The following CAPZA1 variants were observed in gnomAD, a reference collection of about 807,000 sequenced individuals.
The protein encoded by CAPZA1 is capping actin protein of muscle Z-line subunit alpha 1.
In CAPZA1, 10 loss-of-function variants were observed where a neutral mutation model predicts 40.8. The ratio of observed to expected loss-of-function variants is 0.25; its 90% confidence interval spans 0.15 to 0.42. CAPZA1 has a LOEUF of 0.42. Among genes scored for constraint, CAPZA1 ranks in the 10% least tolerant of loss-of-function variants. The pLI, the probability that CAPZA1 is intolerant of heterozygous loss-of-function variation, is 1.00. For missense variants in CAPZA1, 277 were observed against 353.8 expected (o/e 0.78, Z 1.74); for synonymous variants, 98 against 115.0 (o/e 0.85, Z 0.95).
intron 7 of CAPZA1, among the ~76,000 whole-genome samples, chr1:112,660,823 A>G (rs1156707678): frequency 6.6e-6 from 1 of 150,710 alleles, no homozygotes; most frequent in African/African-American, 2.4e-5. Context: ...TTTAACAACA[A>G]TTACCAAGAG....
intron 1 of CAPZA1, among the ~76,000 whole-genome samples, chr1:112,625,747 T>C (rs1670792621): frequency 6.6e-6 from 1 of 152,226 alleles, no homozygotes; most frequent in South Asian, 2.1e-4. Flanking sequence ...TATGATATCT[T>C]GGTCTTGCCA....
intron 1 of CAPZA1, among the ~76,000 whole-genome samples, chr1:112,627,173 G>A (rs995341959): frequency 2.6e-5 from 4 of 152,192 alleles, no homozygotes; most frequent in Non-Finnish European, 4.4e-5. Context: ...GCTGTTGTCT[G>A]CTGTCAGAGC....
chr1:112,631,839 A>C (rs2101142900), intron 1 of CAPZA1, among the ~76,000 whole-genome samples: 1 of 152,286 alleles, frequency 6.6e-6, no homozygotes, highest in East Asian at 1.9e-4. Flanking sequence ...TTAAGCTCCT[A>C]AACAAGTTGC....
At chr1:112,664,866 C>G (rs1028633150) in intron 7 of CAPZA1, among the ~76,000 whole-genome samples, 1 of 152,054 alleles carries the variant, frequency 6.6e-6, no homozygotes, top group South Asian at 2.1e-4. Flanking sequence ...AGCGGGGAAT[C>G]GGAGGTTGCA....
intron 1 of CAPZA1, among the ~76,000 whole-genome samples, chr1:112,633,765 T>C (rs1485741252): frequency 1.3e-5 from 2 of 152,216 alleles, no homozygotes; most frequent in Non-Finnish European, 2.9e-5. Flanking sequence ...ATCATTTGTC[T>C]TTTTGATAAT....
At chr1:112,655,500 C>A (rs200538493) in intron 5 of CAPZA1, among the ~76,000 whole-genome samples, 18 of 151,814 alleles carry the variant, frequency 1.2e-4, no homozygotes, top group South Asian at 6.2e-4. Context: ...ACAAAAAAAA[C>A]CAAACAATTT....
In CAPZA1 at chr1:112,670,470, C is replaced by T. The variant is rs1228051821; in HGVS notation, c.*338C>T. The T allele has an allele frequency of 1.4e-5, 3 of 215,776 alleles. No homozygotes were observed. Among genetic ancestry groups the T allele is most frequent in the African/African-American group, 4.9e-5 (2 of 40,828 alleles). 13.4% of individuals were successfully genotyped at this position (215,776 alleles called of 1,614,324 possible). ...TAAAAAAGTTTCCTAGCCATGAAGCCCTGCTACTGATTTAGACAAGGTATT... is the reference window on the plus strand; with the variant it reads ...TAAAAAAGTTTCCTAGCCATGAAGCTCTGCTACTGATTTAGACAAGGTATT... On this transcript the variant is annotated 3_prime_UTR_variant, in exon 10 of 10. Coordinates refer to ENST00000263168, the MANE Select transcript of CAPZA1 (RefSeq NM_006135.3).
intron 7 of CAPZA1, among the ~76,000 whole-genome samples, chr1:112,665,732 C>T (rs1210615910): frequency 6.6e-6 from 1 of 152,130 alleles, no homozygotes; most frequent in Non-Finnish European, 1.5e-5. Flanking sequence ...TAGAACGGCA[C>T]TAATCCCTTG....
At chr1:112,630,331 T>A (rs942536896) in intron 1 of CAPZA1, among the ~76,000 whole-genome samples, 3 of 152,032 alleles carry the variant, frequency 2.0e-5, no homozygotes, top group African/African-American at 7.2e-5. Context: ...TTTTATTTTT[T>A]AATTTTTTAT....
chr1:112,662,070 A>T (rs940865314), intron 7 of CAPZA1, among the ~76,000 whole-genome samples: 1 of 152,246 alleles, frequency 6.6e-6, no homozygotes, highest in Non-Finnish European at 1.5e-5. Context: ...ATATTAGCAG[A>T]TGAGACCTAG....
intron 2 of CAPZA1, 149 bp downstream of exon 2, chr1:112,647,422 G>A (rs1570714800): frequency 2.3e-6 from 1 of 427,088 alleles, no homozygotes; most frequent in South Asian, 8.2e-5. Context: ...AGGTCCCCCA[G>A]TTAGTAAATG....
chr1:112,668,432 GT>G (rs759610952), intron 8 of CAPZA1, among the ~76,000 whole-genome samples: 2 of 152,168 alleles, frequency 1.3e-5, no homozygotes, highest in Non-Finnish European at 2.9e-5. Flanking sequence ...ATTAGTCTGT[GT>G]CTTCACAAAT....
At chr1:112,637,844 C>T (rs988635889) in intron 1 of CAPZA1, among the ~76,000 whole-genome samples, 5 of 152,132 alleles carry the variant, frequency 3.3e-5, no homozygotes, top group African/African-American at 1.2e-4. Flanking sequence ...GTGAAAATTA[C>T]ATGAAATACA....
Position 112,667,897 on chromosome 1 carries a change from T to C in CAPZA1, c.657+752T>C, listed in dbSNP as rs183705904. On this transcript the variant is annotated intron_variant, in intron 8 of 9. Transcript: ENST00000263168. ...TTCTTGCATTTCTTTGATAGTCTCATTACTTCTTTAAGTTATTAGAAGTTA... is the reference window on the plus strand; with the variant it reads ...TTCTTGCATTTCTTTGATAGTCTCACTACTTCTTTAAGTTATTAGAAGTTA... 3.2e-4 allele frequency among the ~76,000 whole-genome samples: 49 copies of C among 152,294 alleles called. No homozygotes were observed. In the East Asian group the frequency reaches 9.1e-3, roughly 28 times the overall value.
chr1:112,664,866 C>A (rs1028633150), intron 7 of CAPZA1, among the ~76,000 whole-genome samples: 1 of 152,054 alleles, frequency 6.6e-6, no homozygotes, highest in African/African-American at 2.4e-5. Context: ...AGCGGGGAAT[C>A]GGAGGTTGCA....
Position 112,647,215 on chromosome 1 carries a change from C to A in CAPZA1, c.45C>A (p.Arg15=), listed in dbSNP as rs575163615. Residue 15 remains arginine (R), a synonymous_variant, in exon 2 of 10, where the codon CGC becomes CGA. Transcript: ENST00000263168. ...DDRVSDEEKV[R]IAAKFITHAP... ...TAAATTTTGTTTCTCTTTAGGTACG[C>A]ATAGCTGCTAAATTCATCACTCATG... 4.6e-6 allele frequency: 7 copies of A among 1,522,424 alleles called. No homozygotes were observed. Among genetic ancestry groups the A allele is most frequent in the Middle Eastern group, 1.8e-4 (1 of 5,564 alleles). The allele number at this position is 1,522,424 out of a possible 1,614,324, so 94.3% of individuals were successfully genotyped here.
At position 112,659,040 on chromosome 1, in the gene CAPZA1, G is replaced by A. The variant is rs377339360; in HGVS notation, c.445G>A (p.Asp149Asn). 21 of 1,612,754 alleles carry A rather than the reference G, an allele frequency of 1.3e-5. No homozygotes were observed. The highest frequency in any genetic ancestry group is 4.5e-5 in the East Asian group (2 of 44,844). ...GFCTVYAKTIDGQQTIIACIE... is the reference protein window; with the variant it reads ...GFCTVYAKTINGQQTIIACIE... ...ACAATAGGTTTATGCTAAAACTATC[G>A]ATGGGCAACAGACTATTATTGCATG... Residue 149 changes from aspartate to asparagine, a missense_variant, in exon 6 of 10, where the codon GAT becomes AAT. Physicochemically the swap from Asp to Asn is conservative, Grantham distance 23 (BLOSUM62 1). Coordinates refer to ENST00000263168, the MANE Select transcript of CAPZA1 (RefSeq NM_006135.3).
At chr1:112,654,369 G>A (rs1671457206) in intron 4 of CAPZA1, 96 bp from the exon 5 acceptor site, 2 of 731,086 alleles carry the variant, frequency 2.7e-6, no homozygotes, top group East Asian at 5.2e-5. Context: ...TAAATGAAAA[G>A]TTAACTGCCT....
In CAPZA1 at chr1:112,669,449, T is replaced by C; in HGVS notation, c.658-94T>C. 3.5e-6 allele frequency: 3 copies of C among 867,602 alleles called. No homozygotes were observed. In the South Asian group the frequency reaches 4.3e-5, roughly 12 times the overall value. 53.7% of individuals were successfully genotyped at this position (867,602 alleles called of 1,614,324 possible). A position where few individuals can be genotyped will look rare whatever the true frequency, so the allele number is the denominator to read the frequency against. ...ACACTTGGAAAACTAGAAATTGTCATACAAATGTTAGTTAAGATGGACTTA... is the reference window on the plus strand; with the variant it reads ...ACACTTGGAAAACTAGAAATTGTCACACAAATGTTAGTTAAGATGGACTTA... On this transcript the variant is annotated intron_variant, in intron 8 of 9. Coordinates refer to ENST00000263168, the MANE Select transcript of CAPZA1 (RefSeq NM_006135.3).
Sources: gnomAD v4.1 joint callset for allele counts (sites outside exome capture counted in the v4.1 genomes callset) on GRCh38, gnomAD v4.1.1 for gene constraint, MANE v1.5 for transcripts, NCBI Gene and HGNC (gene_info 2026-07-23, HGNC 2026-07-21) for gene names.